The following CDK14 variants were observed in gnomAD, a reference collection of about 807,000 sequenced individuals.
The protein encoded by CDK14 is cyclin-dependent kinase 14.
Under a neutral mutation model 60.7 loss-of-function variants are expected in CDK14, and 34 were observed. The ratio of observed to expected loss-of-function variants is 0.56; its 90% CI spans 0.43 to 0.75. The LOEUF is 0.75. Ranked by LOEUF, CDK14 falls within the 30% of genes least tolerant of loss-of-function variation. The pLI is 0.00. For missense variants in CDK14, 482 were observed against 564.1 expected (o/e 0.85, Z 1.47); for synonymous variants, 197 against 203.7 (o/e 0.97, Z 0.28).
intron 2 of CDK14, among the ~76,000 whole-genome samples, chr7:90,622,732 C>T (rs1270088821): frequency 2.8e-5 from 4 of 140,994 alleles, no homozygotes; most frequent in East Asian, 5.5e-4. Flanking sequence ...ACATCCTAAG[C>T]GAAGACTACC....
At chr7:91,021,735 C>A (rs941528135) in intron 10 of CDK14, among the ~76,000 whole-genome samples, 6 of 152,280 alleles carry the variant, frequency 3.9e-5, no homozygotes, top group African/African-American at 1.4e-4. Context: ...TCAAGGGATC[C>A]CTTTGGGGGC....
chr7:90,737,454 T>C (rs1482255220), intron 3 of CDK14, among the ~76,000 whole-genome samples: 1 of 152,206 alleles, frequency 6.6e-6, no homozygotes, highest in African/African-American at 2.4e-5. Context: ...TGTTTTTAGA[T>C]ACTTGTTCTT....
chr7:90,780,088 T>C (rs974970152), intron 4 of CDK14, among the ~76,000 whole-genome samples: 1 of 152,194 alleles, frequency 6.6e-6, no homozygotes, highest in African/African-American at 2.4e-5. Flanking sequence ...TTTAAATAAG[T>C]AGTTAGATTT....
chr7:90,740,221 A>G (rs1053296032), intron 3 of CDK14, among the ~76,000 whole-genome samples: 6 of 150,744 alleles, frequency 4.0e-5, no homozygotes, highest in Non-Finnish European at 8.8e-5. Context: ...CTTCATATAC[A>G]TATACATATA....
chr7:90,739,208 C>G (rs1436261616), intron 3 of CDK14, among the ~76,000 whole-genome samples: 2 of 152,180 alleles, frequency 1.3e-5, no homozygotes, highest in Non-Finnish European at 2.9e-5. Context: ...GTCTACCTGT[C>G]AGTTTCACAG....
rs142054682 is a variant in CDK14, at chr7:90,842,605, A to G, written c.545-20570A>G. 2.9e-3 allele frequency among the ~76,000 whole-genome samples: 446 copies of G among 152,266 alleles called. 2 individuals are homozygous for G. The highest frequency in any genetic ancestry group is 0.01 in the African/African-American group (420 of 41,558). On this transcript the variant is annotated intron_variant, in intron 5 of 14. Transcript: ENST00000380050. ...CACAATCTGGAAGTAAAACCCACACATCTATGTGCGTCTGTGCGTGCATAC... is the reference window on the plus strand; with the variant it reads ...CACAATCTGGAAGTAAAACCCACACGTCTATGTGCGTCTGTGCGTGCATAC...
chr7:90,665,372 C>A (rs916583021), intron 2 of CDK14, among the ~76,000 whole-genome samples: 2 of 152,162 alleles, frequency 1.3e-5, no homozygotes, highest in Non-Finnish European at 2.9e-5. Flanking sequence ...ATGGCAGGTA[C>A]TGTGCTGGTT....
At chr7:91,063,402 C>T (rs1015946590) in intron 11 of CDK14, among the ~76,000 whole-genome samples, 3 of 152,180 alleles carry the variant, frequency 2.0e-5, no homozygotes, top group East Asian at 1.9e-4. Context: ...TTCGCTCCGG[C>T]GTAAGATCTG....
chr7:90,932,750 AG>A (rs1245372076), intron 8 of CDK14, among the ~76,000 whole-genome samples: 1 of 152,198 alleles, frequency 6.6e-6, no homozygotes, highest in Non-Finnish European at 1.5e-5. Context: ...CTCTGCCTCC[AG>A]GTGTCCCTTC....
chr7:90,982,611 T>C (rs1795260207), intron 9 of CDK14, among the ~76,000 whole-genome samples: 1 of 152,152 alleles, frequency 6.6e-6, no homozygotes. Flanking sequence ...TGAAATATAA[T>C]TGGAAAAGGA....
intron 14 of CDK14, among the ~76,000 whole-genome samples, chr7:91,128,966 CTG>C (rs1394677407): frequency 3.3e-5 from 5 of 152,140 alleles, no homozygotes; most frequent in Non-Finnish European, 5.9e-5. Flanking sequence ...TTCCACAACT[CTG>C]TGGATTGAGT....
intron 12 of CDK14, among the ~76,000 whole-genome samples, chr7:91,111,901 G>A (rs886656104): frequency 6.6e-6 from 1 of 152,032 alleles, no homozygotes; most frequent in Non-Finnish European, 1.5e-5. Context: ...TTATTATTAC[G>A]CCTTTTTCTG....
chr7:90,780,695 T>A (rs1305153699), intron 4 of CDK14, among the ~76,000 whole-genome samples: 2 of 151,816 alleles, frequency 1.3e-5, no homozygotes, highest in South Asian at 2.1e-4. Flanking sequence ...GAATGATGAT[T>A]TCCAATTTCA....
intron 5 of CDK14, among the ~76,000 whole-genome samples, chr7:90,810,326 C>CA (rs1338127868): frequency 6.6e-6 from 1 of 151,962 alleles, no homozygotes; most frequent in Non-Finnish European, 1.5e-5. Flanking sequence ...ATATGCAAAT[C>CA]AAAAAAACGT....
intron 10 of CDK14, among the ~76,000 whole-genome samples, chr7:91,040,519 A>G (rs1390172946): frequency 1.3e-5 from 2 of 152,346 alleles, no homozygotes; most frequent in Non-Finnish European, 2.9e-5. Flanking sequence ...AAAAATAATC[A>G]GTTATTAGGT....
intron 5 of CDK14, among the ~76,000 whole-genome samples, chr7:90,811,623 T>G (rs1789118416): frequency 6.6e-6 from 1 of 150,542 alleles, no homozygotes; most frequent in Non-Finnish European, 1.5e-5. Context: ...AAATGGGATC[T>G]AATTAAACTA....
chr7:90,849,925 G>A (rs1488877553), intron 5 of CDK14, among the ~76,000 whole-genome samples: 4 of 152,016 alleles, frequency 2.6e-5, no homozygotes, highest in African/African-American at 4.8e-5. Flanking sequence ...TTCAGTTTCC[G>A]ACATGTGCTT....
At chr7:90,886,168 G>A (rs532732389) in intron 6 of CDK14, among the ~76,000 whole-genome samples, 92 of 152,086 alleles carry the variant, frequency 6.0e-4, no homozygotes, top group African/African-American at 2.0e-3. Flanking sequence ...TTCTCTATGA[G>A]GGCACTGAGT....
At chr7:90,626,977 CAAA>C (rs1799889235) in intron 2 of CDK14, among the ~76,000 whole-genome samples, 1 of 151,010 alleles carries the variant, frequency 6.6e-6, no homozygotes, top group African/African-American at 2.4e-5. Flanking sequence ...AAAACAAAAA[CAAA>C]AACAAAACAA....
Sources: allele counts gnomAD v4.1 joint callset (sites outside exome capture counted in the v4.1 genomes callset), GRCh38; gene constraint gnomAD v4.1.1; transcripts MANE v1.5; gene names NCBI Gene and HGNC (gene_info 2026-07-23, HGNC 2026-07-21).